The following DST variants were observed in gnomAD, a reference collection of about 807,000 sequenced individuals.
The protein encoded by DST is bullous pemphigoid antigen.
In DST, 253 loss-of-function variants were observed where a neutral mutation model predicts 875.2. The ratio of observed to expected loss-of-function variants is 0.29; its 90% CI spans 0.26 to 0.32. The LOEUF is 0.32. Ranked by LOEUF, DST falls within the 10% of genes least tolerant of loss-of-function variation. The pLI, the probability that DST is intolerant of heterozygous loss-of-function variation, is 1.00. For missense variants in DST, 8,287 were observed against 9,111.6 expected (o/e 0.91, Z 3.68); for synonymous variants, 3,124 against 3,197.1 (o/e 0.98, Z 0.77).
Position 56,527,743 on chromosome 6 carries a change from T to C in DST, c.17681-9A>G. ...TATTAAAACTTCATCACCTAAAATT[T>C]CAAAGTCACGTTATTTCTTATGAAG... On this transcript the variant is annotated splice_polypyrimidine_tract_variant and intron_variant, in intron 67 of 103. Transcript: ENST00000680361. The C allele has an allele frequency of 2.5e-6, 4 of 1,589,636 alleles. No homozygotes were observed. The highest frequency in any genetic ancestry group is 3.4e-6 in the Non-Finnish European group (4 of 1,167,312).
intron 2 of DST, among the ~76,000 whole-genome samples, chr6:56,925,428 C>T (rs189681301): frequency 6.6e-6 from 1 of 152,336 alleles, no homozygotes; most frequent in Admixed American, 6.5e-5. Context: ...GGAGTTAAAG[C>T]ACACTCTGCC....
At chr6:56,851,729 C>T in intron 3 of DST, 125 bp from the exon 4 acceptor site, 1 of 1,552,226 alleles carries the variant, frequency 6.4e-7, no homozygotes, top group Admixed American at 2.0e-5. Flanking sequence ...GCATATCCTG[C>T]ACCATCCTCG....
Position 56,635,632 on chromosome 6 carries a change from G to C in DST, c.3143C>G (p.Ser1048Ter), listed in dbSNP as rs2098817371. 6.2e-7 allele frequency: 1 copy of C among 1,613,750 alleles called. No homozygotes were observed. The highest frequency in any genetic ancestry group is 1.3e-5 in the African/African-American group (1 of 74,914). Residue 1048 changes from serine to a stop codon, truncating the protein, a stop_gained, in exon 24 of 104, where the codon TCA becomes TGA. Transcript: ENST00000680361. LOFTEE classifies it high-confidence loss of function. ...AIQRKYSCDR[S>*]SSIHKLEDLV... is the part of the protein sequence containing the mutation. Reference sequence around the variant, plus strand: ...GTCTTCTAGCTTGTGAATGCTGCTTGATCTATCACAGCTGTACTTCCGCTG... The same window carrying C: ...GTCTTCTAGCTTGTGAATGCTGCTTCATCTATCACAGCTGTACTTCCGCTG...
At chr6:56,719,940 A>G (rs905146529) in intron 5 of DST, among the ~76,000 whole-genome samples, 2 of 152,242 alleles carry the variant, frequency 1.3e-5, no homozygotes, top group African/African-American at 4.8e-5. Flanking sequence ...TCACAGGACC[A>G]CAGGACTGGG....
At chr6:56,749,890 C>G (rs949161125) in intron 4 of DST, among the ~76,000 whole-genome samples, 5 of 152,162 alleles carry the variant, frequency 3.3e-5, no homozygotes, top group Non-Finnish European at 7.3e-5. Flanking sequence ...TAGTTTACAG[C>G]TGGTATGGAC....
At chr6:56,900,379 C>G (rs1417712123) in intron 3 of DST, 42 bp downstream of exon 3, 6 of 1,303,232 alleles carry the variant, frequency 4.6e-6, no homozygotes, top group Non-Finnish European at 6.2e-6. Flanking sequence ...CATGATTTGA[C>G]AGTGAATTTA....
At chr6:56,649,716 A>G (rs888928507) in intron 12 of DST, among the ~76,000 whole-genome samples, 5 of 152,232 alleles carry the variant, frequency 3.3e-5, no homozygotes, top group Non-Finnish European at 5.9e-5. Context: ...GGTAAACAGA[A>G]TAAATATTTG....
intron 36 of DST, among the ~76,000 whole-genome samples, chr6:56,621,899 A>C (rs1254593920): frequency 6.6e-6 from 1 of 152,166 alleles, no homozygotes; most frequent in Non-Finnish European, 1.5e-5. Context: ...TGCTTCCTCT[A>C]ATTTCTTGAT....
In DST at chr6:56,641,820, C is replaced by T. The variant is rs777560855; in HGVS notation, c.2027+127G>A. 4 of 732,598 alleles carry T rather than the reference C, an allele frequency of 5.5e-6. No individual in the cohort carries two copies. In the Admixed American group the frequency reaches 1.4e-4, roughly 25 times the overall value. 45.4% of individuals were successfully genotyped at this position (732,598 alleles called of 1,614,324 possible). The stretch of plus-strand genomic sequence containing the variant: ...CCAAAATATATAAAAATGTGACACA[C>T]ATTTTCAACTAAAAAACAGCAAAGA... On this transcript the variant is annotated intron_variant, in intron 17 of 103. Transcript: ENST00000680361.
intron 34 of DST, among the ~76,000 whole-genome samples, chr6:56,625,512 A>G (rs369348432): frequency 1.3e-5 from 2 of 152,136 alleles, no homozygotes; most frequent in South Asian, 4.1e-4. Flanking sequence ...ATTATAATGG[A>G]GCTGAAAAAT....
chr6:56,861,876 C>T (rs1177025014), intron 3 of DST: 1 of 152,228 alleles, frequency 6.6e-6, no homozygotes, highest in African/African-American at 2.4e-5. Flanking sequence ...TGGGGAACAC[C>T]AGGCCTGGCC....
intron 75 of DST, among the ~76,000 whole-genome samples, chr6:56,507,442 G>C (rs2096353680): frequency 1.3e-5 from 2 of 152,200 alleles, no homozygotes; most frequent in Admixed American, 1.3e-4. Flanking sequence ...GAAAGACAGA[G>C]GCATAAGCAA....
At chr6:56,660,470 A>C (rs1044591314) in intron 10 of DST, among the ~76,000 whole-genome samples, 3 of 152,192 alleles carry the variant, frequency 2.0e-5, no homozygotes, top group Non-Finnish European at 4.4e-5. Flanking sequence ...TTTTCAAAAG[A>C]TCATATGCCT....
At chr6:56,640,943 C>CT (rs752164962) in intron 17 of DST, among the ~76,000 whole-genome samples, 98 of 152,042 alleles carry the variant, frequency 6.4e-4, no homozygotes, top group Non-Finnish European at 9.1e-4. Context: ...GACTTTCAAT[C>CT]TTATTTGTCT....
chr6:56,672,923 C>T (rs764401784), intron 9 of DST, among the ~76,000 whole-genome samples: 2 of 152,070 alleles, frequency 1.3e-5, no homozygotes, highest in African/African-American at 2.4e-5. Flanking sequence ...AATCTACGAT[C>T]GCAACGGTTC....
chr6:56,949,592 T>C (rs1002319174), intron 2 of DST, among the ~76,000 whole-genome samples: 1 of 152,190 alleles, frequency 6.6e-6, no homozygotes, highest in African/African-American at 2.4e-5. Context: ...CACAGTACTT[T>C]GGACAGAAAG....
rs1482266999 is a variant in DST at position 56,778,165 on chromosome 6, G to C, written c.626-42876C>G. On this transcript the variant is annotated intron_variant, in intron 4 of 103. Transcript: ENST00000680361. ...ACTAGCATAGTTCTTTAAGTCAGTAGTATAAATGAAATCAAGGAATTGGGA... is the reference window on the plus strand; with the variant it reads ...ACTAGCATAGTTCTTTAAGTCAGTACTATAAATGAAATCAAGGAATTGGGA... Among the ~76,000 whole-genome samples the C allele has an allele frequency of 2.6e-5, 4 of 152,010 alleles. No homozygotes were observed. The East Asian group carries it at 5.8e-4, about 22-fold the overall frequency.
intron 2 of DST, among the ~76,000 whole-genome samples, chr6:56,915,347 C>G (rs1478579428): frequency 1.3e-5 from 2 of 152,108 alleles, no homozygotes; most frequent in African/African-American, 4.8e-5. Context: ...TTCTGAGAAG[C>G]CAAATAGCAC....
In DST at chr6:56,478,456, A is replaced by G. The variant is rs904734894; in HGVS notation, c.21532-968T>C. Among the ~76,000 whole-genome samples the G allele has an allele frequency of 2.6e-5, 4 of 152,312 alleles. No homozygotes were observed. In the East Asian group the frequency reaches 7.7e-4, roughly 29 times the overall value. ...CAGTTCTAGCCAGTCTCTGCCAGCA[A>G]GCGGAATGAACAAAGCCTTGACATC... On this transcript the variant is annotated intron_variant, in intron 90 of 103. Coordinates refer to ENST00000680361, the MANE Select transcript of DST (RefSeq NM_001374736.1).
Sources: gnomAD v4.1 joint callset for allele counts (sites outside exome capture counted in the v4.1 genomes callset) on GRCh38, gnomAD v4.1.1 for gene constraint, MANE v1.5 for transcripts, NCBI Gene and HGNC (gene_info 2026-07-23, HGNC 2026-07-21) for gene names.